ZNF75D: variants seen among roughly 807,000 people sequenced by gnomAD.
The protein encoded by ZNF75D is zinc finger protein 75D, also known as zinc finger protein 75.
A neutral mutation model predicts 33.3 loss-of-function variants in ZNF75D; 33 were observed. The observed-to-expected ratio is 0.99, with a 90% CI of 0.75 to 1.32. The LOEUF (loss-of-function observed/expected upper bound fraction) is 1.32. Ranked by LOEUF, ZNF75D falls within the 40% of genes most tolerant of loss-of-function variation. The probability of loss-of-function intolerance (pLI) is 0.00; values close to 1 mark genes in which losing one functional copy is unlikely to be tolerated. For missense variants in ZNF75D, 338 were observed against 367.5 expected, an observed-to-expected ratio of 0.92 and a Z score of 0.66; for synonymous variants, 113 against 130.6, an observed-to-expected ratio of 0.87 and a Z score of 0.92.
rs374536439 is a variant in ZNF75D at position 135,293,983 on chromosome X, C to T, written c.158G>A (p.Trp53Ter). 5 of 1,210,494 alleles carry T rather than the reference C, an allele frequency of 4.1e-6. No individual in the cohort carries two copies. The African/African-American group carries it at 8.7e-5, about 21-fold the overall frequency. ...GGTTGCTTCATGATAACGGAAGCTCCAGAAGTGCCTGCAAGCGCTCTCAGG... is the reference window on the plus strand; with the variant it reads ...GGTTGCTTCATGATAACGGAAGCTCTAGAAGTGCCTGCAAGCGCTCTCAGG... ...LGPESACRHF[W>*]SFRYHEATGP... The change falls in exon 3 of 7, where the codon TGG becomes TAG. Residue 53 changes from tryptophan to a stop codon, truncating the protein, a stop_gained. Coordinates refer to ENST00000370766, the MANE Select transcript of ZNF75D (RefSeq NM_007131.5). LOFTEE classifies it high-confidence loss of function.
At chrX:135,332,042 G>A (rs1327963422) in intron 1 of ZNF75D, among the ~76,000 whole-genome samples, 4 of 110,905 alleles carry the variant, frequency 3.6e-5, no homozygotes, top group African/African-American at 6.6e-5. Context: ...CTCCTGCATC[G>A]GTGACTATTT....
At chrX:135,327,531 T>C (rs5975502) in intron 1 of ZNF75D, among the ~76,000 whole-genome samples, 2,077 of 111,952 alleles carry the variant, frequency 0.019, 56 homozygotes, top group African/African-American at 0.063. Flanking sequence ...CCAGGGTTAC[T>C]CCTGGTTCAG....
chrX:135,304,529 G>C (rs887255686), intron 1 of ZNF75D, among the ~76,000 whole-genome samples: 2 of 111,184 alleles, frequency 1.8e-5, no homozygotes, highest in Admixed American at 1.9e-4. Flanking sequence ...ATCCCAGGGA[G>C]AGACCTGTGC....
Position 135,343,897 on chromosome X carries a change from T to G in ZNF75D, c.-2520A>C, listed in dbSNP as rs1556446400. 9.0e-6 allele frequency: 1 copy of G among 111,728 alleles called. No individual in the cohort carries two copies. The highest frequency in any genetic ancestry group is 1.9e-5 in the Non-Finnish European group (1 of 53,113). The allele number at this position is 111,728 out of a possible 1,213,427, so 9.2% of individuals were successfully genotyped here. A position where few individuals can be genotyped will look rare whatever the true frequency, so the allele number is the denominator to read the frequency against. On this transcript the variant is annotated 5_prime_UTR_variant, in exon 1 of 7. Transcript: ENST00000370766. Reference sequence around the variant, plus strand: ...TGGGACGCTGCAGCTCCTGTCCCCGTTTCGCTTCTACCAGGACCTCCGGGA... The same window carrying G: ...TGGGACGCTGCAGCTCCTGTCCCCGGTTCGCTTCTACCAGGACCTCCGGGA...
At chrX:135,341,714 G>C (rs2030122759) in intron 1 of ZNF75D, 54 bp downstream of exon 1, 1 of 112,241 alleles carries the variant, frequency 8.9e-6, no homozygotes, top group South Asian at 3.7e-4. Context: ...GATTGCAAGA[G>C]ATTAGTAATA....
intron 3 of ZNF75D, 107 bp downstream of exon 3, chrX:135,293,623 G>A (rs2084079983): frequency 6.4e-6 from 5 of 778,182 alleles, no homozygotes; most frequent in Non-Finnish European, 9.1e-6. Context: ...TCCTAAAGGA[G>A]CAACAGAAGA....
chrX:135,321,562 A>C (rs2084496005), intron 1 of ZNF75D, among the ~76,000 whole-genome samples: 1 of 111,543 alleles, frequency 9.0e-6, no homozygotes, highest in African/African-American at 3.3e-5. Flanking sequence ...TTGTTACAGA[A>C]GAGTAGGCAG....
chrX:135,307,715 A>G (rs1490067391), intron 1 of ZNF75D, among the ~76,000 whole-genome samples: 3 of 112,176 alleles, frequency 2.7e-5, no homozygotes, highest in African/African-American at 9.7e-5. Context: ...GGAGGGGGTC[A>G]CACAGTTGTG....
intron 1 of ZNF75D, among the ~76,000 whole-genome samples, chrX:135,304,273 G>A (rs1309437787): frequency 9.0e-6 from 1 of 111,202 alleles, no homozygotes; most frequent in African/African-American, 3.3e-5. Flanking sequence ...TGTGCTGAGC[G>A]TGGGCCTGGA....
chrX:135,264,959 G>A (rs1413249594), intron 1 of ZNF75D, among the ~76,000 whole-genome samples: 2 of 112,317 alleles, frequency 1.8e-5, no homozygotes, highest in Non-Finnish European at 3.8e-5. Context: ...AGTGTCTCAC[G>A]CCTGTAATCC....
intron 1 of ZNF75D, among the ~76,000 whole-genome samples, chrX:135,258,158 A>C (rs77902499): frequency 0.076 from 6,032 of 79,176 alleles, 749 homozygotes; most frequent in Non-Finnish European, 0.15. Context: ...TTTTTTATGA[A>C]TGCATAGTAT....
In ZNF75D at chrX:135,292,324, C is replaced by T; in HGVS notation, c.561G>A (p.Leu187=). The T allele has an allele frequency of 8.3e-7, 1 of 1,211,447 alleles. No homozygotes were observed. Among genetic ancestry groups the T allele is most frequent in the Non-Finnish European group, 1.1e-6 (1 of 895,363 alleles). ...WNTYRVLQEQ[L]GWNTHKETQP... is the part of the protein sequence containing the mutation. The stretch of plus-strand genomic sequence containing the variant: ...GGGTTTCTTTGTGAGTGTTCCAGCC[C>T]AGCTGTTCTTGTAGTACCCGGTATG... The change falls in exon 4 of 7, where the codon CTG becomes CTA. Residue 187 remains leucine (L), a synonymous_variant. Transcript: ENST00000370766.
chrX:135,270,352 CATATAT>C (rs530211370), intron 1 of ZNF75D, among the ~76,000 whole-genome samples: 9,584 of 63,057 alleles, frequency 0.15, 771 homozygotes, highest in Non-Finnish European at 0.2. Flanking sequence ...CAAAATATCT[CATATAT>C]ATATATATAT....
chrX:135,263,547 T>G (rs1556415881), intron 1 of ZNF75D, among the ~76,000 whole-genome samples: 1 of 112,831 alleles, frequency 8.9e-6, no homozygotes, highest in Non-Finnish European at 1.9e-5. Flanking sequence ...CCTAGCCAGG[T>G]TGCTGTTTCG....
intron 1 of ZNF75D, among the ~76,000 whole-genome samples, chrX:135,328,216 A>G (rs2084605991): frequency 9.0e-6 from 1 of 111,350 alleles, no homozygotes; most frequent in African/African-American, 3.3e-5. Context: ...AAGGGAGGAA[A>G]TTGAGGTACA....
rs1389598890 is a variant in ZNF75D, at chrX:135,292,156, C to T, written c.604+125G>A. On this transcript the variant is annotated intron_variant, in intron 4 of 6. Transcript: ENST00000370766. Reference sequence around the variant, plus strand: ...CTTCAACCACCATCAACCCACTGTACTCCCACCTGGGAGACATCATAGCTG... The same window carrying T: ...CTTCAACCACCATCAACCCACTGTATTCCCACCTGGGAGACATCATAGCTG... 4 of 668,427 alleles carry T rather than the reference C, an allele frequency of 6.0e-6. No homozygotes were observed. In the African/African-American group the frequency reaches 6.6e-5, roughly 11 times the overall value. The allele number at this position is 668,427 out of a possible 1,213,427, so 55.1% of individuals were successfully genotyped here. A position where few individuals can be genotyped will look rare whatever the true frequency, so the allele number is the denominator to read the frequency against.
intron 2 of ZNF75D, among the ~76,000 whole-genome samples, 172 bp downstream of exon 2, chrX:135,295,596 C>A (rs955167465): frequency 6.2e-5 from 7 of 112,180 alleles, no homozygotes; most frequent in African/African-American, 2.3e-4. Flanking sequence ...GCTCTCCAGG[C>A]GACCTGCCGC....
intron 1 of ZNF75D, among the ~76,000 whole-genome samples, chrX:135,256,416 GGT>G (rs1196922423): frequency 1.8e-5 from 2 of 111,014 alleles, no homozygotes. Flanking sequence ...CCCACACACA[GGT>G]GTGTGTGTGG....
chrX:135,323,170 G>A (rs1315918739), intron 1 of ZNF75D, among the ~76,000 whole-genome samples: 2 of 111,702 alleles, frequency 1.8e-5, no homozygotes, highest in African/African-American at 6.5e-5. Flanking sequence ...ACTTTGGGAG[G>A]TCTTCCCTAC....
Sources: allele counts gnomAD v4.1 joint callset (sites outside exome capture counted in the v4.1 genomes callset), GRCh38; gene constraint gnomAD v4.1.1; transcripts MANE v1.5; gene names NCBI Gene and HGNC (gene_info 2026-07-23, HGNC 2026-07-21).